The following TRMT10A variants were observed in gnomAD, a reference collection of about 807,000 sequenced individuals.
TRMT10A encodes tRNA methyltransferase 10 homolog A.
In TRMT10A, 37 loss-of-function variants were observed where a neutral mutation model predicts 40.4. That is an observed-to-expected ratio of 0.92 (90% CI 0.71 to 1.21). TRMT10A has a LOEUF of 1.21. Among genes scored for constraint, TRMT10A ranks in the 50% most tolerant of loss-of-function variants. The pLI is 0.00. For missense variants in TRMT10A, 388 were observed against 404.3 expected (o/e 0.96, Z 0.35); for synonymous variants, 103 against 134.1 (o/e 0.77, Z 1.60).
chr4:99,561,329 T>C (rs767656908), intron 1 of TRMT10A, among the ~76,000 whole-genome samples: 24 of 152,278 alleles, frequency 1.6e-4, no homozygotes, highest in Non-Finnish European at 2.9e-4. Context: ...GGGGAGCATA[T>C]GCCTTTCCTA....
Position 99,548,637 on chromosome 4 carries a change from G to GA in TRMT10A, c.*450dup, listed in dbSNP as rs1560595870. 1 of 152,496 alleles carries GA rather than the reference G, an allele frequency of 6.6e-6. No individual in the cohort carries two copies. The highest frequency in any genetic ancestry group is 1.5e-5 in the Non-Finnish European group (1 of 68,298). 9.4% of individuals were successfully genotyped at this position (152,496 alleles called of 1,614,324 possible). On this transcript the variant is annotated 3_prime_UTR_variant, in exon 8 of 8. Coordinates refer to ENST00000394876, the MANE Select transcript of TRMT10A (RefSeq NM_001134665.3). ...AATTTAAACATAAAAGCTGCAAATA[G>GA]AGGGTAACCTACCATACACAAATGC...
chr4:99,553,397 T>C (rs1334407489), intron 6 of TRMT10A, among the ~76,000 whole-genome samples: 1 of 152,192 alleles, frequency 6.6e-6, no homozygotes, highest in African/African-American at 2.4e-5. Context: ...AAAACTAGTT[T>C]AAGTTCCAAT....
rs1164312241 is a variant in TRMT10A, at chr4:99,562,515, C to CTTCTTTTTTTTT, written c.-24+1397_-24+1398insAAAAAAAAAGAA. Among the ~76,000 whole-genome samples, 14 of 76,636 alleles carry CTTCTTTTTTTTT rather than the reference C, an allele frequency of 1.8e-4. 1 individual carries two copies. Among genetic ancestry groups the CTTCTTTTTTTTT allele is most frequent in the African/African-American group, 7.7e-4 (13 of 16,806 alleles). 50.3% of individuals were successfully genotyped at this position (76,636 alleles called of 152,430 possible). The stretch of plus-strand genomic sequence containing the variant: ...CTTGACAGCGATAGCAAAGGAATGC[C>CTTCTTTTTTTTT]TTTTTTTTTTTTTTTTTTTTTTTTT... On this transcript the variant is annotated intron_variant, in intron 1 of 7. Transcript: ENST00000394876.
rs374712430 is a variant in TRMT10A at position 99,548,465 on chromosome 4, TCTCAA to T, written c.*618_*622del. 172 of 152,206 alleles carry T rather than the reference TCTCAA, an allele frequency of 1.1e-3. No individual in the cohort carries two copies. Among genetic ancestry groups the T allele is most frequent in the African/African-American group, 3.8e-3 (159 of 41,564 alleles). The allele number at this position is 152,206 out of a possible 1,614,324, so 9.4% of individuals were successfully genotyped here. On this transcript the variant is annotated 3_prime_UTR_variant, in exon 8 of 8. Coordinates refer to ENST00000394876, the MANE Select transcript of TRMT10A (RefSeq NM_001134665.3). Reference sequence around the variant, plus strand: ...AATTAAGAAAATGCATTAAAGAGATTCTCAACTCTTCAGTAATTACTTCAGAACCA... The same window carrying T: ...AATTAAGAAAATGCATTAAAGAGATTCTCTTCAGTAATTACTTCAGAACCA...
In TRMT10A at chr4:99,547,852, A is replaced by G. The variant is rs184938832; in HGVS notation, c.*1236T>C. 1.2e-4 allele frequency: 19 copies of G among 152,190 alleles called. No homozygotes were observed. The East Asian group carries it at 3.7e-3, about 29-fold the overall frequency. 9.4% of individuals were successfully genotyped at this position (152,190 alleles called of 1,614,324 possible). ...TTAAAAAGAAGACAAAAGAACAGCA[A>G]CTTATTTTACCCAAACTCAATGAAG... On this transcript the variant is annotated 3_prime_UTR_variant, in exon 8 of 8. Transcript: ENST00000394876.
intron 1 of TRMT10A, among the ~76,000 whole-genome samples, chr4:99,561,203 G>A (rs1032049460): frequency 2.0e-5 from 3 of 152,156 alleles, no homozygotes; most frequent in Admixed American, 6.5e-5. Flanking sequence ...CTGACATCGT[G>A]ATCCGCCTGC....
chr4:99,554,642 A>G (rs1432061583), intron 5 of TRMT10A, among the ~76,000 whole-genome samples: 1 of 148,150 alleles, frequency 6.7e-6, no homozygotes, highest in African/African-American at 2.5e-5. Flanking sequence ...AATTGTTTGA[A>G]TCCCGGAGGC....
chr4:99,562,037 A>G (rs1384084630), intron 1 of TRMT10A, among the ~76,000 whole-genome samples: 2 of 151,712 alleles, frequency 1.3e-5, no homozygotes, highest in African/African-American at 2.4e-5. Context: ...CAGGCGTGGT[A>G]GTGGACGCCT....
chr4:99,563,653 C>A (rs753970673), intron 1 of TRMT10A: 7 of 334,136 alleles, frequency 2.1e-5, no homozygotes, highest in Admixed American at 2.1e-4. Context: ...CCCTTCTAGG[C>A]TCCCAGCCAG....
chr4:99,556,664 C>T (rs955260744), intron 4 of TRMT10A, among the ~76,000 whole-genome samples: 2 of 152,074 alleles, frequency 1.3e-5, no homozygotes, highest in Non-Finnish European at 2.9e-5. Context: ...AAAGGACTAT[C>T]ACAGAAGTGT....
At chr4:99,553,153 C>T (rs1724028383) in intron 6 of TRMT10A, among the ~76,000 whole-genome samples, 1 of 152,098 alleles carries the variant, frequency 6.6e-6, no homozygotes, top group Non-Finnish European at 1.5e-5. Context: ...AAATTCAGTT[C>T]TTCAGTCATA....
intron 6 of TRMT10A, among the ~76,000 whole-genome samples, chr4:99,552,729 AT>A (rs1358360016): frequency 2.0e-5 from 3 of 152,152 alleles, no homozygotes; most frequent in African/African-American, 7.2e-5. Context: ...GACAAGTTTT[AT>A]TTTTCCCTGT....
intron 7 of TRMT10A, among the ~76,000 whole-genome samples, chr4:99,549,979 C>T (rs370888042): frequency 3.9e-5 from 6 of 152,024 alleles, no homozygotes; most frequent in Admixed American, 2.0e-4. Context: ...TAGAAAGTAG[C>T]GCATAAAAAG....
intron 6 of TRMT10A, 27 bp downstream of exon 6, chr4:99,553,745 TTAAGAACAAGCAA>T (rs754074547): frequency 6.4e-7 from 1 of 1,568,280 alleles, no homozygotes; most frequent in South Asian, 1.2e-5. Flanking sequence ...TATATCAATT[TTAAGAACAAGCAA>T]AAGCAAAAAT....
chr4:99,563,649 T>C (rs1724556759), intron 1 of TRMT10A: 1 of 330,612 alleles, frequency 3.0e-6, no homozygotes, highest in African/African-American at 2.2e-5. Flanking sequence ...CTATCCCTTC[T>C]AGGCTCCCAG....
intron 1 of TRMT10A, chr4:99,563,702 G>A: frequency 2.7e-6 from 1 of 369,528 alleles, no homozygotes; most frequent in Non-Finnish European, 5.3e-6. Flanking sequence ...TGTCTCTGGC[G>A]AACCAGGGAG....
Position 99,563,634 on chromosome 4 carries a change from G to T in TRMT10A, c.-24+279C>A, listed in dbSNP as rs573464964. The T allele has an allele frequency of 1.5e-5, 4 of 275,052 alleles. No homozygotes were observed. In the East Asian group the frequency reaches 3.1e-4, roughly 22 times the overall value. The allele number at this position is 275,052 out of a possible 1,614,324, so 17.0% of individuals were successfully genotyped here. A position where few individuals can be genotyped will look rare whatever the true frequency, so the allele number is the denominator to read the frequency against. On this transcript the variant is annotated intron_variant, in intron 1 of 7. Transcript: ENST00000394876. ...GCGCCCCACCACGGGGCGGAGCCTC[G>T]CCCACTATCCCTTCTAGGCTCCCAG... is the stretch of plus-strand genomic sequence containing the variant.
intron 1 of TRMT10A, among the ~76,000 whole-genome samples, chr4:99,561,606 C>G (rs1250829729): frequency 2.0e-5 from 3 of 152,160 alleles, no homozygotes; most frequent in Non-Finnish European, 4.4e-5. Flanking sequence ...GTATACTTTA[C>G]AAAGATATCT....
At chr4:99,549,382 T>C (rs767892633) in intron 7 of TRMT10A, 26 bp from the exon 8 acceptor site, 3 of 1,608,278 alleles carry the variant, frequency 1.9e-6, no homozygotes, top group South Asian at 1.1e-5. Flanking sequence ...ATTCCGTACA[T>C]TTCTTAGCCA....
Sources: gnomAD v4.1 joint callset for allele counts (sites outside exome capture counted in the v4.1 genomes callset) on GRCh38, gnomAD v4.1.1 for gene constraint, MANE v1.5 for transcripts, NCBI Gene and HGNC (gene_info 2026-07-23, HGNC 2026-07-21) for gene names.